The following TRHDE variants were observed in gnomAD, a reference collection of about 807,000 sequenced individuals.
TRHDE encodes thyrotropin-releasing hormone-degrading ectoenzyme.
A neutral mutation model predicts 125.7 loss-of-function variants in TRHDE; 72 were observed. That is an observed-to-expected ratio of 0.57 (90% CI 0.47 to 0.70). TRHDE has a LOEUF of 0.70. Among genes scored for constraint, TRHDE ranks in the 30% least tolerant of loss-of-function variants. TRHDE has a pLI of 0.00. For synonymous variants in TRHDE, 509 were observed against 509.1 expected (o/e 1.00, Z 0.00); for missense variants, 1,110 against 1,327.1 (o/e 0.84, Z 2.54).
At chr12:72,289,717 C>T (rs1051749707) in intron 2 of TRHDE, among the ~76,000 whole-genome samples, 6 of 151,970 alleles carry the variant, frequency 3.9e-5, no homozygotes, top group African/African-American at 1.2e-4. Context: ...GGTTCCTGCT[C>T]CCAGGGAGCT....
chr12:72,230,158 A>C (rs765253872), intron 2 of TRHDE, among the ~76,000 whole-genome samples: 59 of 152,196 alleles, frequency 3.9e-4, no homozygotes, highest in Non-Finnish European at 7.1e-4. Flanking sequence ...CTGTAAAAAA[A>C]ACTTGCAAAA....
At chr12:72,263,604 T>C (rs1879001984) in intron 2 of TRHDE, 1 of 152,056 alleles carries the variant, frequency 6.6e-6, no homozygotes, top group Admixed American at 6.6e-5. Context: ...TATCAATGAG[T>C]ATAGCAATTA....
rs144847633 is a variant in TRHDE at position 72,337,041 on chromosome 12, C to A, written c.1189-40954C>A. 1.7e-3 allele frequency among the ~76,000 whole-genome samples: 252 copies of A among 152,236 alleles called. 5 individuals are homozygous for A. The highest frequency in any genetic ancestry group is 5.8e-3 in the African/African-American group (241 of 41,534). On this transcript the variant is annotated intron_variant, in intron 2 of 18. Coordinates refer to ENST00000261180, the MANE Select transcript of TRHDE (RefSeq NM_013381.3). ...CAGAATCTGTATTTTAAGGAAATTG[C>A]CAGGTGATTTGTATGCATTTTAATT...
At chr12:72,628,667 A>G (rs1477808253) in intron 15 of TRHDE, among the ~76,000 whole-genome samples, 1 of 151,912 alleles carries the variant, frequency 6.6e-6, no homozygotes, top group Non-Finnish European at 1.5e-5. Flanking sequence ...GAAAAGCTAT[A>G]TAGAAGAAAA....
intron 3 of TRHDE, among the ~76,000 whole-genome samples, chr12:72,436,246 T>A (rs1874739976): frequency 6.6e-6 from 1 of 152,034 alleles, no homozygotes; most frequent in South Asian, 2.1e-4. Context: ...AAATATCATG[T>A]CAGTTTAGTT....
chr12:72,419,587 T>G (rs982188411), intron 3 of TRHDE, among the ~76,000 whole-genome samples: 2 of 152,062 alleles, frequency 1.3e-5, no homozygotes, highest in Non-Finnish European at 2.9e-5. Flanking sequence ...TCATTCACTA[T>G]CTCAAGAACA....
At chr12:72,119,465 A>G (rs188943486) in intron 2 of TRHDE, among the ~76,000 whole-genome samples, 1 of 152,324 alleles carries the variant, frequency 6.6e-6, no homozygotes, top group Admixed American at 6.5e-5. Flanking sequence ...CATATGGTCT[A>G]TCTTTGAGAA....
At chr12:72,445,767 A>G (rs1250228498) in intron 3 of TRHDE, among the ~76,000 whole-genome samples, 2 of 151,988 alleles carry the variant, frequency 1.3e-5, no homozygotes, top group Admixed American at 1.3e-4. Flanking sequence ...GGTCTTGAAG[A>G]TGTTATTAAG....
At chr12:72,151,530 T>C (rs1401207265) in intron 2 of TRHDE, among the ~76,000 whole-genome samples, 5 of 152,056 alleles carry the variant, frequency 3.3e-5, no homozygotes, top group Non-Finnish European at 7.4e-5. Context: ...TGGTTTTAGG[T>C]CTAACATTTA....
At position 72,272,696 on chromosome 12, in the gene TRHDE, A is replaced by C; in HGVS notation, c.53A>C (p.Lys18Thr). ...CAAGAGGAGGAGAAGAAAAAGAAGA[A>C]GAAAAAGAAGAGGAAGAAGAAGAAG... ...GEQEEEKKKK[K>T]KKKRKKKKEE... is the part of the protein sequence containing the mutation. The change falls in exon 1 of 19, where the codon AAG becomes ACG. Residue 18 changes from lysine (K) to threonine (T), a missense_variant. Lys to Thr is a moderately conservative substitution (Grantham distance 78). Transcript: ENST00000261180. The surrounding 1 kb of genome is among the most constrained non-coding windows in gnomAD (Gnocchi z 6.7). The C allele has an allele frequency of 7.3e-7, 1 of 1,376,500 alleles. No homozygotes were observed. The highest frequency in any genetic ancestry group is 9.5e-7 in the Non-Finnish European group (1 of 1,049,098). 85.3% of individuals were successfully genotyped at this position (1,376,500 alleles called of 1,614,324 possible). A position where few individuals can be genotyped will look rare whatever the true frequency, so the allele number is the denominator to read the frequency against.
At chr12:72,130,827 A>G (rs2139307616) in intron 2 of TRHDE, among the ~76,000 whole-genome samples, 1 of 152,300 alleles carries the variant, frequency 6.6e-6, no homozygotes, top group East Asian at 1.9e-4. Flanking sequence ...ACAACTTCAT[A>G]CCACTGAACA....
At chr12:72,373,303 G>A (rs12368205) in intron 2 of TRHDE, among the ~76,000 whole-genome samples, 16,103 of 152,060 alleles carry the variant, frequency 0.11, 1,109 homozygotes, top group African/African-American at 0.18. Context: ...GAGACAGTGG[G>A]GTTTTCTAGA....
intron 3 of TRHDE, among the ~76,000 whole-genome samples, chr12:72,455,133 A>G (rs1875780728): frequency 6.6e-6 from 1 of 152,176 alleles, no homozygotes; most frequent in South Asian, 2.1e-4. Flanking sequence ...GTCAATGGTG[A>G]TCTCAAATTT....
At chr12:72,278,956 C>T (rs757034730) in intron 1 of TRHDE, among the ~76,000 whole-genome samples, 2 of 152,076 alleles carry the variant, frequency 1.3e-5, no homozygotes, top group Non-Finnish European at 2.9e-5. Flanking sequence ...GATGCAATCC[C>T]GTTTGTCTAT....
At chr12:72,519,476 C>T (rs1879063642) in intron 6 of TRHDE, among the ~76,000 whole-genome samples, 1 of 152,138 alleles carries the variant, frequency 6.6e-6, no homozygotes, top group Non-Finnish European at 1.5e-5. Flanking sequence ...AGTTCTCGAG[C>T]CTTGGTTTTC....
At chr12:72,245,237 G>GTGTGTA (rs772821129) in intron 2 of TRHDE, among the ~76,000 whole-genome samples, 6 of 145,904 alleles carry the variant, frequency 4.1e-5, no homozygotes, top group African/African-American at 1.3e-4. Context: ...ATCTATGTTT[G>GTGTGTA]TGTGTATGTG....
chr12:72,589,597 T>A (rs1355561402), intron 12 of TRHDE, among the ~76,000 whole-genome samples: 2 of 152,212 alleles, frequency 1.3e-5, no homozygotes, highest in African/African-American at 4.8e-5. Context: ...AATTTAATTT[T>A]GCTCATTGGT....
chr12:72,521,675 G>T (rs1043225762), intron 6 of TRHDE, among the ~76,000 whole-genome samples: 17 of 152,158 alleles, frequency 1.1e-4, no homozygotes, highest in African/African-American at 4.1e-4. Flanking sequence ...TGACCAACCA[G>T]CTGAATATCT....
intron 2 of TRHDE, among the ~76,000 whole-genome samples, chr12:72,183,259 C>G (rs1017969851): frequency 6.6e-6 from 1 of 152,128 alleles, no homozygotes; most frequent in African/African-American, 2.4e-5. Flanking sequence ...TGGTGAAAGG[C>G]TGATTTGTTG....
Sources: gnomAD v4.1 joint callset for allele counts (sites outside exome capture counted in the v4.1 genomes callset) on GRCh38, gnomAD v4.1.1 for gene constraint, Gnocchi (gnomAD v3.1) non-coding constraint, MANE v1.5 for transcripts, NCBI Gene and HGNC (gene_info 2026-07-23, HGNC 2026-07-21) for gene names.